PMS1: variants seen among roughly 807,000 people sequenced by gnomAD.
PMS1 encodes PMS1 protein homolog 1.
Under a neutral mutation model 93.1 loss-of-function variants are expected in PMS1, and 79 were observed. The observed-to-expected ratio is 0.85, with a 90% CI of 0.71 to 1.02. The LOEUF is 1.02. Ranked by LOEUF, PMS1 falls within the 50% of genes least tolerant of loss-of-function variation. The probability of loss-of-function intolerance (pLI) is 0.00; values close to 1 mark genes in which losing one functional copy is unlikely to be tolerated. For missense variants in PMS1, 1,064 were observed against 1,085.3 expected (o/e 0.98, Z 0.28); for synonymous variants, 335 against 363.4 (o/e 0.92, Z 0.89).
chr2:189,795,681 G>A (rs1212459258), intron 2 of PMS1, 88 bp from the exon 3 acceptor site: 2 of 1,061,678 alleles, frequency 1.9e-6, no homozygotes, highest in East Asian at 2.5e-5. Flanking sequence ...GTAAATAAAT[G>A]TCAAAATTCT....
chr2:189,852,051 G>A (rs2054792962), intron 6 of PMS1, among the ~76,000 whole-genome samples: 1 of 152,054 alleles, frequency 6.6e-6, no homozygotes, highest in Non-Finnish European at 1.5e-5. Flanking sequence ...GAGAAAGATA[G>A]CATATAAATA....
At chr2:189,787,294 G>T (rs1297493260) in intron 1 of PMS1, among the ~76,000 whole-genome samples, 4 of 152,208 alleles carry the variant, frequency 2.6e-5, no homozygotes, top group African/African-American at 9.7e-5. Flanking sequence ...TAAGAAAGAT[G>T]CTGATAAATT....
chr2:189,786,907 G>A (rs547026843), intron 1 of PMS1, among the ~76,000 whole-genome samples: 43 of 152,244 alleles, frequency 2.8e-4, no homozygotes, highest in African/African-American at 9.6e-4. Flanking sequence ...CAAAAAATTA[G>A]CCAGGTGTGG....
At chr2:189,821,369 C>A (rs1344365232) in intron 5 of PMS1, among the ~76,000 whole-genome samples, 2 of 151,368 alleles carry the variant, frequency 1.3e-5, no homozygotes, top group Non-Finnish European at 2.9e-5. Context: ...GCAGGAGAAT[C>A]ACTTAAACCC....
chr2:189,843,952 T>C lies in PMS1; in HGVS notation c.583-12T>C, dbSNP rs1354405795. On this transcript the variant is annotated splice_polypyrimidine_tract_variant and intron_variant, in intron 5 of 12. Coordinates refer to ENST00000441310, the MANE Select transcript of PMS1 (RefSeq NM_000534.5). Reference sequence around the variant, plus strand: ...TTGTATTAAAAGTTATCTATATCATTTTTGTCCCTAGGCAGTTATTTGGCA... The same window carrying C: ...TTGTATTAAAAGTTATCTATATCATCTTTGTCCCTAGGCAGTTATTTGGCA... The C allele has an allele frequency of 3.7e-6, 6 of 1,606,222 alleles. No individual in the cohort carries two copies. Among genetic ancestry groups the C allele is most frequent in the Non-Finnish European group, 5.1e-6 (6 of 1,173,100 alleles).
chr2:189,871,752 AGTTT>A (rs1262746915), intron 11 of PMS1, among the ~76,000 whole-genome samples: 5 of 152,224 alleles, frequency 3.3e-5, no homozygotes, highest in East Asian at 3.9e-4. Flanking sequence ...TTTCTGTGTT[AGTTT>A]GTTTGTGTTG....
intron 4 of PMS1, chr2:189,806,699 T>C: frequency 5.0e-6 from 1 of 201,342 alleles, no homozygotes; most frequent in East Asian, 7.6e-5. Context: ...GTTCAGCTGA[T>C]AAGTGTTTAA....
chr2:189,877,515 T>A lies in PMS1; in HGVS notation c.*79T>A, dbSNP rs2057671597. ...AGCATGAGTCTGGTTTTAAATTATC[T>A]TTGTATTATGTGTCACATGGTTATT... On this transcript the variant is annotated 3_prime_UTR_variant, in exon 13 of 13. Transcript: ENST00000441310. The A allele has an allele frequency of 1.1e-6, 1 of 940,908 alleles. No individual in the cohort carries two copies. Among genetic ancestry groups the A allele is most frequent in the Admixed American group, 2.0e-5 (1 of 49,492 alleles). The allele number at this position is 940,908 out of a possible 1,614,324, so 58.3% of individuals were successfully genotyped here. A position where few individuals can be genotyped will look rare whatever the true frequency, so the allele number is the denominator to read the frequency against.
chr2:189,850,646 T>A lies in PMS1; in HGVS notation c.700-2009T>A, dbSNP rs898568640. 3.9e-5 allele frequency among the ~76,000 whole-genome samples: 6 copies of A among 152,116 alleles called. No individual in the cohort carries two copies. In the South Asian group the frequency reaches 8.3e-4, roughly 21 times the overall value. ...TGATAATGGAACTTGGGGACCATCA[T>A]CATTTATACGGGATAAGGAAAAGGA... On this transcript the variant is annotated intron_variant, in intron 6 of 12. Coordinates refer to ENST00000441310, the MANE Select transcript of PMS1 (RefSeq NM_000534.5).
intron 3 of PMS1, among the ~76,000 whole-genome samples, chr2:189,800,202 G>A (rs1008202632): frequency 2.0e-5 from 3 of 152,196 alleles, no homozygotes; most frequent in Non-Finnish European, 4.4e-5. Context: ...TCAAGGCAAA[G>A]CCCAGAATTC....
chr2:189,785,518 G>A (rs2048225373), intron 1 of PMS1: 1 of 152,188 alleles, frequency 6.6e-6, no homozygotes, highest in East Asian at 1.9e-4. Context: ...ATGGTATAGA[G>A]TGCTATATTC....
At chr2:189,836,748 G>T (rs1460770664) in intron 5 of PMS1, among the ~76,000 whole-genome samples, 1 of 152,168 alleles carries the variant, frequency 6.6e-6, no homozygotes, top group East Asian at 1.9e-4. Context: ...TCGATCTGAT[G>T]CAATAAAAAT....
intron 4 of PMS1, among the ~76,000 whole-genome samples, chr2:189,809,378 T>C (rs539075672): frequency 1.3e-5 from 2 of 150,932 alleles, no homozygotes; most frequent in East Asian, 3.9e-4. Context: ...TTGTAAAACA[T>C]GATAGTATAA....
intron 6 of PMS1, among the ~76,000 whole-genome samples, chr2:189,849,454 G>A (rs1012954516): frequency 6.6e-6 from 1 of 151,402 alleles, no homozygotes; most frequent in East Asian, 1.9e-4. Context: ...TTAAGTGTAC[G>A]CTACTTTTCT....
chr2:189,827,849 G>A (rs558391557), intron 5 of PMS1, among the ~76,000 whole-genome samples: 1 of 152,210 alleles, frequency 6.6e-6, no homozygotes, highest in African/African-American at 2.4e-5. Flanking sequence ...GGGGAGGGGA[G>A]GGAGAAGGAG....
intron 9 of PMS1, among the ~76,000 whole-genome samples, chr2:189,861,190 T>C (rs2055954001): frequency 6.6e-6 from 1 of 152,032 alleles, no homozygotes; most frequent in African/African-American, 2.4e-5. Context: ...TATTTCAGTA[T>C]CTAATTTTAA....
intron 12 of PMS1, among the ~76,000 whole-genome samples, chr2:189,874,790 C>T (rs1252859534): frequency 6.6e-6 from 1 of 152,036 alleles, no homozygotes; most frequent in African/African-American, 2.4e-5. Context: ...GCCTATTGTG[C>T]GGGTAGCTTA....
At chr2:189,828,164 T>C (rs2052614272) in intron 5 of PMS1, among the ~76,000 whole-genome samples, 1 of 152,180 alleles carries the variant, frequency 6.6e-6, no homozygotes, top group Non-Finnish European at 1.5e-5. Context: ...GACCTCGTGA[T>C]CTGCCCACCT....
At chr2:189,788,411 C>T (rs1033945306) in intron 1 of PMS1, among the ~76,000 whole-genome samples, 2 of 152,076 alleles carry the variant, frequency 1.3e-5, no homozygotes, top group African/African-American at 4.8e-5. Context: ...TTACTTCTCA[C>T]CACAATCATA....
Sources: allele counts gnomAD v4.1 joint callset (sites outside exome capture counted in the v4.1 genomes callset), GRCh38; gene constraint gnomAD v4.1.1; transcripts MANE v1.5; gene names NCBI Gene and HGNC (gene_info 2026-07-23, HGNC 2026-07-21).